Variants in CHST4 observed in about 807,000 individuals in gnomAD.
CHST4 encodes GST-3.
For synonymous variants in CHST4, 171 were observed against 195.5 expected, an observed-to-expected ratio of 0.87 and a Z score of 1.05; for missense variants, 466 against 506.0, an observed-to-expected ratio of 0.92 and a Z score of 0.76.
intron 1 of CHST4, among the ~76,000 whole-genome samples, chr16:71,531,779 A>G (rs1461036997): frequency 6.6e-6 from 1 of 152,150 alleles, no homozygotes; most frequent in Non-Finnish European, 1.5e-5. Context: ...ATAAAATTCT[A>G]TCACCATTTC....
intron 1 of CHST4, among the ~76,000 whole-genome samples, chr16:71,530,477 A>G (rs922489086): frequency 2.6e-5 from 4 of 152,146 alleles, no homozygotes; most frequent in Admixed American, 1.3e-4. Flanking sequence ...CTTTAAAAAG[A>G]TATTTTGGCC....
chr16:71,530,855 T>C (rs958527101), intron 1 of CHST4, among the ~76,000 whole-genome samples: 8 of 151,664 alleles, frequency 5.3e-5, no homozygotes, highest in African/African-American at 1.9e-4. Context: ...CCGAGGCAGG[T>C]GGATCACTTG....
At chr16:71,526,908 C>T (rs1330704586) in intron 1 of CHST4, among the ~76,000 whole-genome samples, 1 of 152,192 alleles carries the variant, frequency 6.6e-6, no homozygotes, top group Non-Finnish European at 1.5e-5. Context: ...TTTTCTCTAG[C>T]TCAGGAGAGG....
intron 1 of CHST4, among the ~76,000 whole-genome samples, chr16:71,528,249 CAAAAAA>C (rs10716662): frequency 8.2e-5 from 9 of 109,322 alleles, no homozygotes; most frequent in African/African-American, 2.2e-4. Flanking sequence ...GACTTCATTT[CAAAAAA>C]AAAAAAAAAA....
At chr16:71,533,975 G>A (rs192127497) in intron 1 of CHST4, among the ~76,000 whole-genome samples, 93 of 151,086 alleles carry the variant, frequency 6.2e-4, no homozygotes, top group African/African-American at 2.1e-3. Flanking sequence ...CTGGGAGGAG[G>A]AGGTTGCAGT....
chr16:71,537,134 A>G lies in CHST4; in HGVS notation c.457A>G (p.Arg153Gly). Residue 153 changes from arginine to glycine, a missense_variant, in exon 2 of 2, where the codon AGG becomes GGG. Physicochemically the swap from Arg to Gly is moderately radical, Grantham distance 125. Coordinates refer to ENST00000539698, the MANE Select transcript of CHST4 (RefSeq NM_001166395.2). The surrounding 1 kb of genome is among the most constrained non-coding windows in gnomAD (Gnocchi z 4.2). ...QDEIIPRAHC[R>G]LLCSQQPFEV... is the part of the protein sequence containing the mutation. ...TGAAATCATCCCCCGGGCTCACTGC[A>G]GGCTCCTGTGCAGTCAACAGCCCTT... 2 of 1,614,094 alleles carry G rather than the reference A, an allele frequency of 1.2e-6. No individual in the cohort carries two copies. The highest frequency in any genetic ancestry group is 1.6e-4 in the Middle Eastern group (1 of 6,062).
At position 71,538,113 on chromosome 16, in the gene CHST4, TC is replaced by T. The variant is rs1161596491; in HGVS notation, c.*276del. The stretch of plus-strand genomic sequence containing the variant: ...CTTGATCTTCCTGTCTGGGCAGACT[TC>T]AGAGACTTTGTGGCCTGGAGGCCTA... On this transcript the variant is annotated 3_prime_UTR_variant, in exon 2 of 2. Transcript: ENST00000539698. The T allele has an allele frequency of 1.1e-5, 5 of 472,020 alleles. No homozygotes were observed. The highest frequency in any genetic ancestry group is 1.9e-5 in the Non-Finnish European group (5 of 257,788). 29.2% of individuals were successfully genotyped at this position (472,020 alleles called of 1,614,324 possible).
At chr16:71,528,440 C>T (rs2043923989) in intron 1 of CHST4, among the ~76,000 whole-genome samples, 1 of 152,166 alleles carries the variant, frequency 6.6e-6, no homozygotes, top group Non-Finnish European at 1.5e-5. Flanking sequence ...TCCTTGAGCA[C>T]CTACTATGTG....
Position 71,538,355 on chromosome 16 carries a change from G to T in CHST4, c.*517G>T, listed in dbSNP as rs188707245. The stretch of plus-strand genomic sequence containing the variant: ...TGACCATCACAGCTATCGGTAATCA[G>T]AAATATGAAACAAAATCTCTGCACA... On this transcript the variant is annotated 3_prime_UTR_variant, in exon 2 of 2. Coordinates refer to ENST00000539698, the MANE Select transcript of CHST4 (RefSeq NM_001166395.2). The T allele has an allele frequency of 2.4e-5, 4 of 168,668 alleles. No individual in the cohort carries two copies. Among genetic ancestry groups the T allele is most frequent in the African/African-American group, 9.6e-5 (4 of 41,462 alleles). The allele number at this position is 168,668 out of a possible 1,614,324, so 10.4% of individuals were successfully genotyped here.
In CHST4 at chr16:71,536,802, G is replaced by A. The variant is rs144014662; in HGVS notation, c.125G>A (p.Arg42His). Reference protein sequence around the residue: ...SSLSMKAQPERMHVLVLSSWR... With the variant: ...SSLSMKAQPEHMHVLVLSSWR... ...CTGTCTATGAAGGCACAGCCCGAGC[G>A]CATGCACGTGCTGGTTCTGTCTTCC... The change falls in exon 2 of 2, where the codon CGC becomes CAC. Residue 42 changes from arginine to histidine, a missense_variant. Transcript: ENST00000539698. The A allele has an allele frequency of 7.5e-4, 1,139 of 1,528,310 alleles. 2 individuals carry two copies. Among genetic ancestry groups the A allele is most frequent in the Non-Finnish European group, 9.4e-4 (1,066 of 1,138,482 alleles). 94.7% of individuals were successfully genotyped at this position (1,528,310 alleles called of 1,614,324 possible).
rs150469669 is a variant in CHST4, at chr16:71,535,318, G to A, written c.-18-1342G>A. ...CTCCCAAGTAGCTGGGACTATAGGC[G>A]TGTGCCAACACACTCAGCTAATTTT... On this transcript the variant is annotated intron_variant, in intron 1 of 1. Coordinates refer to ENST00000539698, the MANE Select transcript of CHST4 (RefSeq NM_001166395.2). 3.9e-4 allele frequency among the ~76,000 whole-genome samples: 59 copies of A among 152,158 alleles called. No individual in the cohort carries two copies. The East Asian group carries it at 0.011, about 28-fold the overall frequency.
chr16:71,529,543 ATTTTTTTTTTTTTTTTT>A (rs1157747412), intron 1 of CHST4, among the ~76,000 whole-genome samples: 5 of 41,328 alleles, frequency 1.2e-4, no homozygotes, highest in Non-Finnish European at 2.1e-4. Flanking sequence ...ATGCTCATCT[ATTTTTTTTTTTTTTTTT>A]TTTTTTTTTT....
In CHST4 at chr16:71,538,288, A is replaced by C. The variant is rs914399628; in HGVS notation, c.*450A>C. On this transcript the variant is annotated 3_prime_UTR_variant, in exon 2 of 2. Transcript: ENST00000539698. ...GCCCTTGGAGTTCCCAGTGGATTCAAGGAAGGAAGTGGGAACAAGGTTGGA... is the reference window on the plus strand; with the variant it reads ...GCCCTTGGAGTTCCCAGTGGATTCACGGAAGGAAGTGGGAACAAGGTTGGA... The C allele has an allele frequency of 8.0e-5, 14 of 176,074 alleles. No individual in the cohort carries two copies. In the Admixed American group the frequency reaches 8.3e-4, roughly 10 times the overall value. The allele number at this position is 176,074 out of a possible 1,614,324, so 10.9% of individuals were successfully genotyped here.
chr16:71,537,357 T>C lies in CHST4; in HGVS notation c.680T>C (p.Ile227Thr), dbSNP rs1271812631. 1.9e-6 allele frequency: 3 copies of C among 1,613,994 alleles called. No individual in the cohort carries two copies. The highest frequency in any genetic ancestry group is 1.1e-5 in the South Asian group (1 of 91,076). The change falls in exon 2 of 2, where the codon ATT becomes ACT. Residue 227 changes from isoleucine (I) to threonine (T), a missense_variant. Ile to Thr is a moderately conservative substitution (Grantham distance 89). Transcript: ENST00000539698. The surrounding 1 kb of genome is among the most constrained non-coding windows in gnomAD (Gnocchi z 4.2). ...TKGDLMIDSR[I>T]VMGQHEQKLK... ...GGAGATCTCATGATTGACAGTCGCA[T>C]TGTGATGGGGCAGCATGAGCAAAAA...
At chr16:71,531,878 C>G (rs1347560069) in intron 1 of CHST4, among the ~76,000 whole-genome samples, 2 of 152,004 alleles carry the variant, frequency 1.3e-5, no homozygotes, top group African/African-American at 2.4e-5. Context: ...CAAACTTTTT[C>G]TCATACTCAC....
intron 1 of CHST4, among the ~76,000 whole-genome samples, chr16:71,530,219 G>A (rs1381627709): frequency 3.3e-5 from 5 of 152,136 alleles, no homozygotes; most frequent in East Asian, 3.9e-4. Context: ...CCCTTTCAGG[G>A]AGAAGGCAGG....
chr16:71,535,639 G>C (rs1269015795), intron 1 of CHST4, among the ~76,000 whole-genome samples: 1 of 152,152 alleles, frequency 6.6e-6, no homozygotes, highest in African/African-American at 2.4e-5. Flanking sequence ...ACGTAATCAA[G>C]TATGCCTCAA....
chr16:71,536,496 A>G, intron 1 of CHST4, 164 bp from the exon 2 acceptor site: 1 of 436,700 alleles, frequency 2.3e-6, no homozygotes, highest in Non-Finnish European at 4.0e-6. Context: ...GGGACAGGAA[A>G]TGATTTGGAG....
chr16:71,534,052 A>C (rs1358190577), intron 1 of CHST4, among the ~76,000 whole-genome samples: 1 of 151,886 alleles, frequency 6.6e-6, no homozygotes, highest in Non-Finnish European at 1.5e-5. Context: ...AAAAAAAAAA[A>C]AAAAAGATTT....
Sources: gnomAD v4.1 joint callset for allele counts (sites outside exome capture counted in the v4.1 genomes callset) on GRCh38, gnomAD v4.1.1 for gene constraint, Gnocchi (gnomAD v3.1) non-coding constraint, MANE v1.5 for transcripts, NCBI Gene and HGNC (gene_info 2026-07-23, HGNC 2026-07-21) for gene names.